Variants in DENND5B observed in about 807,000 individuals in gnomAD.
The protein encoded by DENND5B is DENN domain-containing protein 5B.
In DENND5B, 34 loss-of-function variants were observed where a neutral mutation model predicts 140.6. The observed-to-expected ratio is 0.24, with a 90% CI of 0.18 to 0.32. The LOEUF (loss-of-function observed/expected upper bound fraction) is 0.32. Among genes scored for constraint, DENND5B ranks in the 10% least tolerant of loss-of-function variants. The probability of loss-of-function intolerance (pLI) is 1.00; values close to 1 mark genes in which losing one functional copy is unlikely to be tolerated. For missense variants in DENND5B, 1,142 were observed against 1,560.2 expected (o/e 0.73, Z 4.52); for synonymous variants, 551 against 562.1 (o/e 0.98, Z 0.28).
At chr12:31,552,594 G>A (rs969027897) in intron 1 of DENND5B, among the ~76,000 whole-genome samples, 6 of 152,160 alleles carry the variant, frequency 3.9e-5, no homozygotes, top group South Asian at 2.1e-4. Context: ...AGTTAGGGAG[G>A]ATACCCTCTT....
chr12:31,422,492 T>G (rs192469831), intron 11 of DENND5B, among the ~76,000 whole-genome samples: 158 of 151,786 alleles, frequency 1.0e-3, no homozygotes, highest in African/African-American at 3.8e-3. Flanking sequence ...TCCCAGCTAC[T>G]CAGGAGGCTG....
intron 1 of DENND5B, among the ~76,000 whole-genome samples, chr12:31,542,103 C>T (rs776397945): frequency 1.3e-5 from 2 of 151,888 alleles, no homozygotes; most frequent in East Asian, 1.9e-4. Flanking sequence ...CTGGCCAATA[C>T]GGTGAAACCC....
intron 19 of DENND5B, among the ~76,000 whole-genome samples, chr12:31,389,975 C>G (rs1365355695): frequency 6.6e-6 from 1 of 151,016 alleles, no homozygotes; most frequent in Non-Finnish European, 1.5e-5. Context: ...GAAGCAGAAG[C>G]AATAAGATTC....
chr12:31,501,968 C>T (rs1321719881), intron 1 of DENND5B, among the ~76,000 whole-genome samples: 1 of 151,952 alleles, frequency 6.6e-6, no homozygotes, highest in African/African-American at 2.4e-5. Context: ...AATATAAAAA[C>T]AACTTTATTT....
In DENND5B at chr12:31,480,093, T is replaced by A. The variant is rs374109577; in HGVS notation, c.400A>T (p.Thr134Ser). 2 of 1,613,854 alleles carry A rather than the reference T, an allele frequency of 1.2e-6. No homozygotes were observed. Among genetic ancestry groups the A allele is most frequent in the African/African-American group, 2.7e-5 (2 of 74,938 alleles). Residue 134 changes from threonine (T) to serine (S), a missense_variant, in exon 3 of 21, where the codon ACA becomes TCA. Thr to Ser is a moderately conservative substitution (Grantham distance 58). This residue lies in a region of DENND5B where 708 missense variants were observed against 905.5 expected (regional missense o/e 0.78). Transcript: ENST00000389082. ...TSKQICTAMQ[T>S]LYQMHNAEHY... ...TCAGCGTTGTGCATCTGGTAAAGTG[T>A]CTGCATTGCTGTGCAGATTTGCTTA...
intron 1 of DENND5B, among the ~76,000 whole-genome samples, chr12:31,510,195 G>A (rs1179294580): frequency 6.6e-6 from 1 of 152,156 alleles, no homozygotes; most frequent in Non-Finnish European, 1.5e-5. Context: ...CATTTTCCAT[G>A]AGCCAGAAGT....
Position 31,468,702 on chromosome 12 carries a change from G to A in DENND5B, c.905-8321C>T, listed in dbSNP as rs576799816. 1.6e-4 allele frequency among the ~76,000 whole-genome samples: 24 copies of A among 152,072 alleles called. No homozygotes were observed. The South Asian group carries it at 4.2e-3, about 26-fold the overall frequency. On this transcript the variant is annotated intron_variant, in intron 3 of 20. Coordinates refer to ENST00000389082, the MANE Select transcript of DENND5B (RefSeq NM_144973.4). ...GGCACACACCTGTAGCTCCAGCTAC[G>A]TGGGAGGCTAAGGCAGGAGGATTGC...
chr12:31,575,963 C>CA (rs891231980), intron 1 of DENND5B, among the ~76,000 whole-genome samples: 9 of 151,112 alleles, frequency 6.0e-5, no homozygotes, highest in Non-Finnish European at 1.0e-4. Context: ...AAGACTGTCT[C>CA]AAAAAACAGA....
In DENND5B at chr12:31,402,622, A is replaced by G. The variant is rs1174275084; in HGVS notation, c.2825T>C (p.Ile942Thr). 2.5e-6 allele frequency: 4 copies of G among 1,612,864 alleles called. No homozygotes were observed. The highest frequency in any genetic ancestry group is 3.4e-6 in the Non-Finnish European group (4 of 1,179,524). ...TTIMIPYRSV[I>T]IPIKKLSNAI... ...ATTGCTCAGCTTTTTGATTGGGATG[A>G]TCACTGACCTATACGGAATCACTGA... The change falls in exon 15 of 21, where the codon ATC becomes ACC. Residue 942 changes from isoleucine (I) to threonine (T), a missense_variant. By Grantham distance (89) the Ile-to-Thr change is moderately conservative. Coordinates refer to ENST00000389082, the MANE Select transcript of DENND5B (RefSeq NM_144973.4).
At chr12:31,552,899 G>C (rs1268749926) in intron 1 of DENND5B, among the ~76,000 whole-genome samples, 2 of 152,100 alleles carry the variant, frequency 1.3e-5, no homozygotes, top group Non-Finnish European at 2.9e-5. Context: ...ATTTCTGTGG[G>C]ATCGGTGGTG....
chr12:31,466,683 A>C (rs368246422), intron 3 of DENND5B, among the ~76,000 whole-genome samples: 13 of 138,476 alleles, frequency 9.4e-5, no homozygotes, highest in African/African-American at 3.4e-4. Context: ...ATAAAGTGAG[A>C]CTCTGTCTCA....
At chr12:31,542,959 A>G (rs539182784) in intron 1 of DENND5B, among the ~76,000 whole-genome samples, 1 of 152,332 alleles carries the variant, frequency 6.6e-6, no homozygotes, top group Admixed American at 6.5e-5. Flanking sequence ...CCTGTCTCAA[A>G]TAAGTAAATG....
At chr12:31,515,817 T>C (rs921222562) in intron 1 of DENND5B, among the ~76,000 whole-genome samples, 1 of 152,184 alleles carries the variant, frequency 6.6e-6, no homozygotes, top group African/African-American at 2.4e-5. Flanking sequence ...ATATTGAGCC[T>C]TGCTACAAGC....
rs1167137435 is a variant in DENND5B at position 31,426,597 on chromosome 12, C to T, written c.2107-173G>A. On this transcript the variant is annotated intron_variant, in intron 8 of 20. Coordinates refer to ENST00000389082, the MANE Select transcript of DENND5B (RefSeq NM_144973.4). ...CTAAAAGACAGAGGACACTCATATG[C>T]CACCCCATAACAACTGTTAACTCCT... 6 of 647,652 alleles carry T rather than the reference C, an allele frequency of 9.3e-6. No individual in the cohort carries two copies. In the East Asian group the frequency reaches 1.9e-4, roughly 20 times the overall value. 40.1% of individuals were successfully genotyped at this position (647,652 alleles called of 1,614,324 possible).
At position 31,554,559 on chromosome 12, in the gene DENND5B, AG is replaced by A. The variant is rs957182903; in HGVS notation, c.127+36146del. Among the ~76,000 whole-genome samples, 148 of 152,202 alleles carry A rather than the reference AG, an allele frequency of 9.7e-4. 1 individual carries two copies. Among genetic ancestry groups the A allele is most frequent in the African/African-American group, 3.4e-3 (143 of 41,520 alleles). On this transcript the variant is annotated intron_variant, in intron 1 of 20. Coordinates refer to ENST00000389082, the MANE Select transcript of DENND5B (RefSeq NM_144973.4). ...TATGTGTCTTGGAGTTGCTCTCTCG[AG>A]GAGTATCTTTGTCGCGTCCTCTGTA...
intron 1 of DENND5B, among the ~76,000 whole-genome samples, chr12:31,586,516 G>A (rs1469501109): frequency 1.3e-5 from 2 of 152,176 alleles, no homozygotes; most frequent in Non-Finnish European, 2.9e-5. Flanking sequence ...TATGTATATA[G>A]TTAAATTATT....
chr12:31,471,612 A>G (rs1234341812), intron 3 of DENND5B, among the ~76,000 whole-genome samples: 1 of 151,958 alleles, frequency 6.6e-6, no homozygotes, highest in African/African-American at 2.4e-5. Flanking sequence ...TGCCCTCAAC[A>G]GAAACCAGGG....
chr12:31,425,856 C>T (rs950508500), intron 9 of DENND5B, among the ~76,000 whole-genome samples: 1 of 152,186 alleles, frequency 6.6e-6, no homozygotes, highest in Non-Finnish European at 1.5e-5. Flanking sequence ...GAGAGGAGAA[C>T]GTTGTGCAAT....
chr12:31,403,107 G>A (rs1045719130), intron 14 of DENND5B, among the ~76,000 whole-genome samples: 1 of 152,106 alleles, frequency 6.6e-6, no homozygotes, highest in African/African-American at 2.4e-5. Context: ...AGTTTCTTGG[G>A]CAATGCTTTA....
Sources: gnomAD v4.1 joint callset for allele counts (sites outside exome capture counted in the v4.1 genomes callset) on GRCh38, gnomAD v4.1.1 for gene constraint, gnomAD v4.1.1 regional missense constraint, MANE v1.5 for transcripts, NCBI Gene and HGNC (gene_info 2026-07-23, HGNC 2026-07-21) for gene names.